MAPK10: variants seen among roughly 807,000 people sequenced by gnomAD.
MAPK10 encodes JNK3 alpha protein kinase.
MAPK10 carries 25 observed loss-of-function variants against 59.3 expected under a neutral mutation model. The observed-to-expected ratio is 0.42, with a 90% CI of 0.31 to 0.59. The LOEUF (loss-of-function observed/expected upper bound fraction) is 0.59. MAPK10 is among the 20% of genes least tolerant of loss of function. The pLI is 0.15. For synonymous variants in MAPK10, 190 were observed against 200.5 expected (o/e 0.95, Z 0.44); for missense variants, 351 against 568.9 (o/e 0.62, Z 3.90).
chr4:86,398,495 G>A (rs1743265602), intron 1 of MAPK10, among the ~76,000 whole-genome samples: 1 of 152,176 alleles, frequency 6.6e-6, no homozygotes, highest in Non-Finnish European at 1.5e-5. Context: ...TATTATGTCT[G>A]CAGAGTCCAT....
At chr4:86,572,339 G>A (rs2051848451) in intron 1 of MAPK10, among the ~76,000 whole-genome samples, 1 of 152,026 alleles carries the variant, frequency 6.6e-6, no homozygotes. Context: ...TCTTCTTTTT[G>A]CATTAGAAAC....
intron 1 of MAPK10, among the ~76,000 whole-genome samples, chr4:86,390,863 A>G (rs1742096845): frequency 6.6e-6 from 1 of 152,194 alleles, no homozygotes; most frequent in Non-Finnish European, 1.5e-5. Context: ...CTCTTGTCAA[A>G]GAAGCTATCA....
chr4:86,364,060 A>C (rs1255652800), upstream of MAPK10, among the ~76,000 whole-genome samples: 1 of 151,426 alleles, frequency 6.6e-6, no homozygotes, highest in Non-Finnish European at 1.5e-5. Flanking sequence ...GGGATTACAG[A>C]CAGGTATGAG....
At chr4:86,034,838 G>T (rs2039858063) in intron 11 of MAPK10, among the ~76,000 whole-genome samples, 1 of 152,102 alleles carries the variant, frequency 6.6e-6, no homozygotes, top group South Asian at 2.1e-4. Flanking sequence ...GAGGAAAAAA[G>T]TGACTCCATG....
chr4:86,553,002 C>T (rs112072272), intron 1 of MAPK10, among the ~76,000 whole-genome samples: 7,114 of 152,202 alleles, frequency 0.047, 218 homozygotes, highest in African/African-American at 0.059. Flanking sequence ...AGTCTTTTTA[C>T]TCTGACCCAG....
chr4:86,300,207 C>T (rs1441376963), intron 2 of MAPK10, among the ~76,000 whole-genome samples: 1 of 152,130 alleles, frequency 6.6e-6, no homozygotes, highest in Non-Finnish European at 1.5e-5. Context: ...ACATTTCTTA[C>T]AAGAGGTTCT....
intron 1 of MAPK10, among the ~76,000 whole-genome samples, chr4:86,460,346 G>A (rs1474890382): frequency 1.3e-5 from 2 of 152,192 alleles, no homozygotes; most frequent in Admixed American, 1.3e-4. Context: ...GGCAGGGCCA[G>A]GAGAGAAGGC....
intron 3 of MAPK10, among the ~76,000 whole-genome samples, chr4:86,167,942 CTG>C (rs1033317959): frequency 1.2e-4 from 19 of 152,214 alleles, no homozygotes; most frequent in African/African-American, 4.6e-4. Flanking sequence ...CAAATTGTCT[CTG>C]TTTGCAGATG....
chr4:86,244,941 C>T (rs2092984418), intron 2 of MAPK10, among the ~76,000 whole-genome samples: 1 of 152,186 alleles, frequency 6.6e-6, no homozygotes, highest in Admixed American at 6.5e-5. Flanking sequence ...CACAATATTT[C>T]CTATGTTACA....
At chr4:86,429,852 G>A (rs1490003981) in intron 1 of MAPK10, 3 of 146,564 alleles carry the variant, frequency 2.0e-5, no homozygotes, top group Non-Finnish European at 4.5e-5. Context: ...TTTTTTTTCA[G>A]TACCTGATAC....
At chr4:86,303,956 G>A (rs958453693) in intron 2 of MAPK10, among the ~76,000 whole-genome samples, 1 of 152,088 alleles carries the variant, frequency 6.6e-6, no homozygotes, top group African/African-American at 2.4e-5. Flanking sequence ...ACACACCTAT[G>A]GAATCAACAG....
intron 1 of MAPK10, among the ~76,000 whole-genome samples, chr4:86,547,072 G>A (rs1174482338): frequency 6.6e-6 from 1 of 152,160 alleles, no homozygotes; most frequent in South Asian, 2.1e-4. Flanking sequence ...AAAAAAAAGT[G>A]CTAAAGGGAA....
At chr4:86,051,077 A>C (rs1365567760) in intron 11 of MAPK10, among the ~76,000 whole-genome samples, 3 of 152,168 alleles carry the variant, frequency 2.0e-5, no homozygotes, top group Non-Finnish European at 4.4e-5. Context: ...ATGTTGTTTT[A>C]CATACATTAT....
At chr4:86,356,208 C>T (rs1462033098) in intron 1 of MAPK10, among the ~76,000 whole-genome samples, 1 of 152,166 alleles carries the variant, frequency 6.6e-6, no homozygotes, top group Non-Finnish European at 1.5e-5. Context: ...GTTAGGGATG[C>T]TTCTCAGGAG....
intron 1 of MAPK10, among the ~76,000 whole-genome samples, chr4:86,390,251 G>T (rs549376241): frequency 1.3e-5 from 2 of 152,126 alleles, no homozygotes; most frequent in African/African-American, 4.8e-5. Context: ...TTATTCAATG[G>T]TAGAAAAGGA....
intron 2 of MAPK10, among the ~76,000 whole-genome samples, chr4:86,256,739 T>C (rs1184737649): frequency 7.5e-5 from 10 of 133,666 alleles, no homozygotes; most frequent in African/African-American, 2.0e-4. Flanking sequence ...TCTTTCTTTT[T>C]TTTTTTTTTT....
At chr4:86,021,079 T>C (rs920067987) in intron 13 of MAPK10, among the ~76,000 whole-genome samples, 1 of 151,796 alleles carries the variant, frequency 6.6e-6, no homozygotes, top group Non-Finnish European at 1.5e-5. Context: ...CCCATCAGAT[T>C]AGATACAGAG....
chr4:86,299,735 T>C (rs1357414946), intron 2 of MAPK10, among the ~76,000 whole-genome samples: 1 of 152,138 alleles, frequency 6.6e-6, no homozygotes, highest in Non-Finnish European at 1.5e-5. Context: ...TATTATGCTA[T>C]TTACAAAGAA....
chr4:86,410,656 TC>T (rs1745030991), intron 1 of MAPK10, among the ~76,000 whole-genome samples: 1 of 152,228 alleles, frequency 6.6e-6, no homozygotes, highest in Admixed American at 6.5e-5. Context: ...CAGGAATTTA[TC>T]CATTTCTTCT....
Sources: gnomAD v4.1 joint callset for allele counts (sites outside exome capture counted in the v4.1 genomes callset) on GRCh38, gnomAD v4.1.1 for gene constraint, MANE v1.5 for transcripts, NCBI Gene and HGNC (gene_info 2026-07-23, HGNC 2026-07-21) for gene names.